OSBPL1A: variants seen among roughly 807,000 people sequenced by gnomAD.
OSBPL1A encodes the protein oxysterol-binding protein-related protein 1.
A neutral mutation model predicts 137.1 loss-of-function variants in OSBPL1A; 80 were observed. The ratio of observed to expected loss-of-function variants is 0.58; its 90% CI spans 0.49 to 0.70. The LOEUF is 0.70. Ranked by LOEUF, OSBPL1A falls within the 30% of genes least tolerant of loss-of-function variation. The pLI is 0.00. For missense variants in OSBPL1A, 970 were observed against 1,129.4 expected (o/e 0.86, Z 2.02); for synonymous variants, 365 against 389.7 (o/e 0.94, Z 0.75).
At chr18:24,215,024 T>C (rs1400840486) in intron 17 of OSBPL1A, among the ~76,000 whole-genome samples, 7 of 152,246 alleles carry the variant, frequency 4.6e-5, no homozygotes, top group Admixed American at 2.0e-4. Context: ...ATCAGAGGGA[T>C]AGAATTTCTA....
At chr18:24,290,560 G>A (rs557400719) in intron 14 of OSBPL1A, among the ~76,000 whole-genome samples, 3 of 152,266 alleles carry the variant, frequency 2.0e-5, no homozygotes, top group South Asian at 4.1e-4. Context: ...GTGTGTGCTT[G>A]TAGTCCCAGC....
intron 17 of OSBPL1A, 25 bp downstream of exon 17, chr18:24,225,017 T>C (rs761154209): frequency 1.8e-5 from 29 of 1,613,132 alleles, no homozygotes; most frequent in Non-Finnish European, 2.5e-5. Flanking sequence ...AACGCAGCAG[T>C]GACAACTGTC....
chr18:24,294,214 G>A (rs1304206602), intron 14 of OSBPL1A, among the ~76,000 whole-genome samples: 2 of 146,830 alleles, frequency 1.4e-5, no homozygotes, highest in South Asian at 2.2e-4. Flanking sequence ...CATCCAATAT[G>A]TGGTTGTTTT....
At chr18:24,319,166 C>T (rs1015750583) in intron 7 of OSBPL1A, among the ~76,000 whole-genome samples, 3 of 152,200 alleles carry the variant, frequency 2.0e-5, no homozygotes, top group African/African-American at 4.8e-5. Flanking sequence ...CTTCTGGAGG[C>T]TCTAAGGGAG....
At chr18:24,361,254 T>C (rs2091616753) in intron 4 of OSBPL1A, among the ~76,000 whole-genome samples, 1 of 152,206 alleles carries the variant, frequency 6.6e-6, no homozygotes, top group African/African-American at 2.4e-5. Context: ...CTTGAACTCC[T>C]GGGCTCAAGC....
chr18:24,347,870 T>C (rs2091373018), intron 4 of OSBPL1A: 1 of 137,874 alleles, frequency 7.3e-6, no homozygotes, highest in South Asian at 2.2e-4. Flanking sequence ...AAAAGAATTA[T>C]GCTTATTGAA....
At chr18:24,218,590 T>G (rs1326779764) in intron 17 of OSBPL1A, among the ~76,000 whole-genome samples, 1 of 152,104 alleles carries the variant, frequency 6.6e-6, no homozygotes, top group East Asian at 1.9e-4. Context: ...ATTACAGGCA[T>G]GCACTACTGC....
At chr18:24,303,529 T>C (rs2090443147) in intron 14 of OSBPL1A, 108 bp downstream of exon 14, 1 of 834,590 alleles carries the variant, frequency 1.2e-6, no homozygotes, top group Non-Finnish European at 1.9e-6. Context: ...CAAATATAAC[T>C]CTTAATTCAA....
At chr18:24,201,837 T>G (rs1567941682) in intron 17 of OSBPL1A, among the ~76,000 whole-genome samples, 2 of 152,086 alleles carry the variant, frequency 1.3e-5, no homozygotes, top group South Asian at 4.2e-4. Flanking sequence ...CAGATCTCCT[T>G]TATCTACCCG....
At chr18:24,190,465 T>A (rs1044357585) in intron 18 of OSBPL1A, among the ~76,000 whole-genome samples, 1 of 151,576 alleles carries the variant, frequency 6.6e-6, no homozygotes, top group Non-Finnish European at 1.5e-5. Context: ...GAAGTTTAGA[T>A]ACAGTACTGT....
rs2086043110 is a variant in OSBPL1A at position 24,162,540 on chromosome 18, G to A, written c.*639C>T. The A allele has an allele frequency of 1.3e-5, 2 of 152,158 alleles. No individual in the cohort carries two copies. The highest frequency in any genetic ancestry group is 1.5e-5 in the Non-Finnish European group (1 of 68,028). 9.4% of individuals were successfully genotyped at this position (152,158 alleles called of 1,614,324 possible). The stretch of plus-strand genomic sequence containing the variant: ...GCAGAAAACTGTAAAAGTAAATTCA[G>A]AGCACTAAGTAAATGAAATACTTTT... On this transcript the variant is annotated 3_prime_UTR_variant, in exon 28 of 28. Coordinates refer to ENST00000319481, the MANE Select transcript of OSBPL1A (RefSeq NM_080597.4).
chr18:24,331,606 C>T (rs1445118208), intron 7 of OSBPL1A, among the ~76,000 whole-genome samples: 1 of 150,690 alleles, frequency 6.6e-6, no homozygotes, highest in Non-Finnish European at 1.5e-5. Context: ...CCGTGTTAGC[C>T]AGGATGGTCT....
chr18:24,285,463 G>A (rs2090052133), intron 14 of OSBPL1A, among the ~76,000 whole-genome samples: 1 of 152,094 alleles, frequency 6.6e-6, no homozygotes. Flanking sequence ...GGCAGATTGA[G>A]AAATAAGTAA....
At chr18:24,276,609 A>G (rs2089850713) in intron 15 of OSBPL1A, among the ~76,000 whole-genome samples, 1 of 151,736 alleles carries the variant, frequency 6.6e-6, no homozygotes, top group African/African-American at 2.4e-5. Flanking sequence ...ACACCTGGCT[A>G]ATTTTTTGTA....
chr18:24,297,414 A>T (rs1355073209), intron 14 of OSBPL1A, among the ~76,000 whole-genome samples: 1 of 152,090 alleles, frequency 6.6e-6, no homozygotes, highest in Non-Finnish European at 1.5e-5. Context: ...CTAATGGTCT[A>T]TCAATTTTGT....
intron 17 of OSBPL1A, among the ~76,000 whole-genome samples, chr18:24,214,499 C>G (rs12456025): frequency 1.3e-5 from 2 of 151,888 alleles, no homozygotes; most frequent in African/African-American, 2.4e-5. Flanking sequence ...TCTTGACTAT[C>G]ATAGAAATCT....
At chr18:24,276,386 A>G (rs546241202) in intron 15 of OSBPL1A, among the ~76,000 whole-genome samples, 7 of 152,212 alleles carry the variant, frequency 4.6e-5, no homozygotes, top group African/African-American at 1.4e-4. Context: ...TCAACCACCA[A>G]CTTTACAAAG....
Position 24,175,217 on chromosome 18 carries a change from ACT to A in OSBPL1A, c.2094-2736_2094-2735del, listed in dbSNP as rs531735027. Among the ~76,000 whole-genome samples the A allele has an allele frequency of 1.8e-4, 25 of 138,226 alleles. No individual in the cohort carries two copies. The South Asian group carries it at 3.7e-3, about 20-fold the overall frequency. The allele number at this position is 138,226 out of a possible 152,430, so 90.7% of individuals were successfully genotyped here. On this transcript the variant is annotated intron_variant, in intron 21 of 27. Coordinates refer to ENST00000319481, the MANE Select transcript of OSBPL1A (RefSeq NM_080597.4). The stretch of plus-strand genomic sequence containing the variant: ...GTTGTTGTTCCAGAGACAGGGTTTC[ACT>A]CTGTTGCCCAGGCTGGAATACAATG...
chr18:24,169,483 T>A (rs561013820), intron 24 of OSBPL1A, among the ~76,000 whole-genome samples: 1 of 152,260 alleles, frequency 6.6e-6, no homozygotes, highest in African/African-American at 2.4e-5. Flanking sequence ...GTCTTTACTA[T>A]GAGCAGATAC....
Sources: allele counts gnomAD v4.1 joint callset (sites outside exome capture counted in the v4.1 genomes callset), GRCh38; gene constraint gnomAD v4.1.1; transcripts MANE v1.5; gene names NCBI Gene and HGNC (gene_info 2026-07-23, HGNC 2026-07-21).